DNAH6: variants seen among roughly 807,000 people sequenced by gnomAD.
DNAH6 encodes dynein axonemal heavy chain 6, also known as axonemal beta dynein heavy chain 6.
Under a neutral mutation model 491.4 loss-of-function variants are expected in DNAH6, and 340 were observed. The ratio of observed to expected loss-of-function variants is 0.69; its 90% CI spans 0.63 to 0.76. DNAH6 has a LOEUF of 0.76. Among genes scored for constraint, DNAH6 ranks in the 30% least tolerant of loss-of-function variants. The probability of loss-of-function intolerance (pLI) is 0.00; values close to 1 mark genes in which losing one functional copy is unlikely to be tolerated. For missense variants in DNAH6, 4,443 were observed against 4,972.2 expected (o/e 0.89, Z 3.20); for synonymous variants, 1,603 against 1,686.1 (o/e 0.95, Z 1.21).
chr2:84,488,386 T>A, the DNAH6 span, among the ~76,000 whole-genome samples: 91,192 of 132,184 alleles, frequency 0.69, 28,118 homozygotes, highest in East Asian at 0.86. Context: ...TAAAAAAAAT[T>A]AAAAAATAAA....
intron 68 of DNAH6, among the ~76,000 whole-genome samples, chr2:84,793,985 A>T (rs1311610058): frequency 6.6e-6 from 1 of 152,240 alleles, no homozygotes; most frequent in Non-Finnish European, 1.5e-5. Flanking sequence ...AGAGATATAG[A>T]TCAATGGAAC....
intron 29 of DNAH6, among the ~76,000 whole-genome samples, chr2:84,625,537 C>T (rs1486949577): frequency 6.6e-6 from 1 of 152,022 alleles, no homozygotes; most frequent in Non-Finnish European, 1.5e-5. Context: ...ATTGAGACTT[C>T]CAAAGAGCTT....
intron 58 of DNAH6, among the ~76,000 whole-genome samples, chr2:84,717,728 A>G (rs1697681524): frequency 6.6e-6 from 1 of 152,218 alleles, no homozygotes. Context: ...TGTTTATACA[A>G]GGGTGAAGCT....
chr2:84,716,569 A>G (rs1044778393), intron 58 of DNAH6, among the ~76,000 whole-genome samples: 5 of 152,168 alleles, frequency 3.3e-5, no homozygotes, highest in African/African-American at 7.2e-5. Flanking sequence ...CCAGCTGCTA[A>G]CTTGCTTACC....
chr2:84,685,341 A>G lies in DNAH6; in HGVS notation c.6932A>G (p.Asp2311Gly). The change falls in exon 43 of 77, where the codon GAT (aspartate) becomes GGT (glycine). Residue 2311 changes from aspartate to glycine, a missense_variant. This residue lies in a region of DNAH6 where 2,977 missense variants were observed against 3,296.6 expected (regional missense o/e 0.90). Transcript: ENST00000389394. ...TAAAAAACAGGTATCCTCCAATGTG[A>G]TCCAGGAACAATAAGAGAAGAAATT... ...SKCVQGILQC[D>G]PGTIREEIQI... 1 of 1,504,440 alleles carries G rather than the reference A, an allele frequency of 6.6e-7. No individual in the cohort carries two copies. Among genetic ancestry groups the G allele is most frequent in the Non-Finnish European group, 8.9e-7 (1 of 1,120,560 alleles). The allele number at this position is 1,504,440 out of a possible 1,614,324, so 93.2% of individuals were successfully genotyped here.
At chr2:84,759,371 T>C (rs1490485223) in intron 63 of DNAH6, among the ~76,000 whole-genome samples, 2 of 151,976 alleles carry the variant, frequency 1.3e-5, no homozygotes, top group African/African-American at 4.8e-5. Context: ...TAGCCAGATG[T>C]GGTGGTGCTT....
rs1264540177 is a variant in DNAH6, at chr2:84,584,178, A to G, written c.2409A>G (p.Gln803=). 3 of 1,614,164 alleles carry G rather than the reference A, an allele frequency of 1.9e-6. No homozygotes were observed. Among genetic ancestry groups the G allele is most frequent in the Non-Finnish European group, 2.5e-6 (3 of 1,180,026 alleles). Residue 803 remains glutamine (Q), a synonymous_variant, in exon 15 of 77, where the codon CAA becomes CAG. Coordinates refer to ENST00000389394, the MANE Select transcript of DNAH6 (RefSeq NM_001370.2). ...SVGDRESSIK[Q]FCVHLGSDLE... is the part of the protein sequence containing the mutation. ...GTGATAGAGAATCAAGCATTAAGCA[A>G]TTTTGTGTGCATTTGGGTAGTGATC...
intron 63 of DNAH6, chr2:84,750,766 GCAACATGTATAA>G (rs1673398154): frequency 6.6e-6 from 1 of 152,084 alleles, no homozygotes; most frequent in Non-Finnish European, 1.5e-5. Context: ...AAACTCTCTT[GCAACATGTATAA>G]CATAGCTGTC....
chr2:84,715,623 T>G lies in DNAH6; in HGVS notation c.9607T>G (p.Leu3203Val), dbSNP rs1435525920. ...AAAATCAGGCCTGGAGGATCAGTTGTTAAGGTAAAAAAACAGGGAGTTGAG... is the reference window on the plus strand; with the variant it reads ...AAAATCAGGCCTGGAGGATCAGTTGGTAAGGTAAAAAAACAGGGAGTTGAG... ...VTKSGLEDQL[L>V]SDVVRLEKPR... The change falls in exon 58 of 77, where the codon TTA becomes GTA. Residue 3203 changes from leucine (L) to valine (V), a missense_variant. Around this residue, in one of 3 missense-constraint regions of DNAH6, gnomAD observed 1,463 missense variants for 1,656.6 expected, o/e 0.88. Coordinates refer to ENST00000389394, the MANE Select transcript of DNAH6 (RefSeq NM_001370.2). 3.2e-6 allele frequency: 5 copies of G among 1,551,384 alleles called. No individual in the cohort carries two copies. The highest frequency in any genetic ancestry group is 2.6e-6 in the Non-Finnish European group (3 of 1,146,896).
At chr2:84,599,349 T>C (rs116332230) in intron 18 of DNAH6, among the ~76,000 whole-genome samples, 1 of 54,326 alleles carries the variant, frequency 1.8e-5, no homozygotes, top group Non-Finnish European at 7.3e-5. Context: ...TAATTTATAA[T>C]TTTTTTCTTT....
chr2:84,595,224 G>A (rs1416169769), intron 17 of DNAH6, among the ~76,000 whole-genome samples: 1 of 152,056 alleles, frequency 6.6e-6, no homozygotes, highest in African/African-American at 2.4e-5. Context: ...ACATAATTGA[G>A]AAAAACAATT....
intron 65 of DNAH6, among the ~76,000 whole-genome samples, chr2:84,783,710 AC>A (rs1676919189): frequency 6.6e-6 from 1 of 152,214 alleles, no homozygotes; most frequent in African/African-American, 2.4e-5. Flanking sequence ...AAACAAAAGA[AC>A]CATAGATATT....
intron 64 of DNAH6, chr2:84,778,119 C>T: frequency 6.4e-6 from 5 of 780,966 alleles, no homozygotes; most frequent in South Asian, 1.3e-5. Context: ...TGGCATGGCA[C>T]AGGCCATGCC....
chr2:84,512,333 G>A (rs1490966977), upstream of DNAH6, among the ~76,000 whole-genome samples: 2 of 152,156 alleles, frequency 1.3e-5, no homozygotes, highest in Non-Finnish European at 2.9e-5. Flanking sequence ...CATGATGGAA[G>A]ATGGAAGGGC....
intron 31 of DNAH6, 73 bp from the exon 32 acceptor site, chr2:84,640,357 C>T: frequency 1.1e-6 from 1 of 912,546 alleles, no homozygotes. Flanking sequence ...TCAATTTTGA[C>T]TATGTTGGTA....
In DNAH6 at chr2:84,672,441, G is replaced by A; in HGVS notation, c.6569G>A (p.Gly2190Glu). 2 of 1,551,476 alleles carry A rather than the reference G, an allele frequency of 1.3e-6. No individual in the cohort carries two copies. Among genetic ancestry groups the A allele is most frequent in the Non-Finnish European group, 1.7e-6 (2 of 1,146,860 alleles). Residue 2190 changes from glycine to glutamate, a missense_variant, in exon 40 of 77, where the codon GGG (glycine) becomes GAG (glutamate). Physicochemically the swap from Gly to Glu is moderately conservative, Grantham distance 98 (BLOSUM62 -2). This residue lies in a region of DNAH6 where 2,977 missense variants were observed against 3,296.6 expected (regional missense o/e 0.90). Coordinates refer to ENST00000389394, the MANE Select transcript of DNAH6 (RefSeq NM_001370.2). ...IELLRQYQDF[G>E]GFYDRNKLFW... Reference sequence around the variant, plus strand: ...TTACTTCGGCAGTATCAAGATTTTGGGGGATTTTATGACAGAAACAAACTG... The same window carrying A: ...TTACTTCGGCAGTATCAAGATTTTGAGGGATTTTATGACAGAAACAAACTG...
chr2:84,583,912 G>A, intron 14 of DNAH6, 87 bp from the exon 15 acceptor site: 1 of 1,339,858 alleles, frequency 7.5e-7, no homozygotes, highest in Non-Finnish European at 1.0e-6. Flanking sequence ...TGTTCATATT[G>A]TACAGTGTCT....
At chr2:84,636,378 A>G (rs1688879226) in intron 30 of DNAH6, among the ~76,000 whole-genome samples, 1 of 152,106 alleles carries the variant, frequency 6.6e-6, no homozygotes, top group Admixed American at 6.5e-5. Flanking sequence ...TTCCTTCTTC[A>G]GGTCCCAAGC....
At chr2:84,606,443 C>A (rs1367748762) in intron 20 of DNAH6, among the ~76,000 whole-genome samples, 1 of 152,080 alleles carries the variant, frequency 6.6e-6, no homozygotes, top group East Asian at 1.9e-4. Flanking sequence ...AATTCACATG[C>A]TCCGTGAGAG....
Sources: gnomAD v4.1 joint callset for allele counts (sites outside exome capture counted in the v4.1 genomes callset) on GRCh38, gnomAD v4.1.1 for gene constraint, gnomAD v4.1.1 regional missense constraint, MANE v1.5 for transcripts, NCBI Gene and HGNC (gene_info 2026-07-23, HGNC 2026-07-21) for gene names.